NAALADL2: variants seen among roughly 807,000 people sequenced by gnomAD.
NAALADL2 encodes the protein N-acetylated alpha-linked acidic dipeptidase like 2.
Under a neutral mutation model 87.2 loss-of-function variants are expected in NAALADL2, and 76 were observed. That is an observed-to-expected ratio of 0.87 (90% CI 0.72 to 1.05). The LOEUF (loss-of-function observed/expected upper bound fraction) is 1.05. Among genes scored for constraint, NAALADL2 ranks in the 50% least tolerant of loss-of-function variants. The probability of loss-of-function intolerance (pLI) is 0.00; values close to 1 mark genes in which losing one functional copy is unlikely to be tolerated. For synonymous variants in NAALADL2, 354 were observed against 331.0 expected (o/e 1.07, Z -0.75); for missense variants, 1,089 against 945.8 (o/e 1.15, Z -1.99).
At chr3:175,708,744 A>G (rs1740093758) in intron 11 of NAALADL2, among the ~76,000 whole-genome samples, 1 of 151,968 alleles carries the variant, frequency 6.6e-6, no homozygotes, top group Non-Finnish European at 1.5e-5. Context: ...AGAAACAAAA[A>G]TAAAAAGAGA....
chr3:175,548,678 A>G (rs1344539022), intron 9 of NAALADL2, among the ~76,000 whole-genome samples: 1 of 152,054 alleles, frequency 6.6e-6, no homozygotes, highest in South Asian at 2.1e-4. Flanking sequence ...CTTTATCCCT[A>G]TGAAAGACAG....
At chr3:175,756,839 C>T (rs1747325028) in intron 13 of NAALADL2, among the ~76,000 whole-genome samples, 1 of 151,908 alleles carries the variant, frequency 6.6e-6, no homozygotes, top group Non-Finnish European at 1.5e-5. Flanking sequence ...CATATTTAAA[C>T]AGTTTTTATT....
chr3:175,633,225 G>A (rs977506903), intron 11 of NAALADL2, among the ~76,000 whole-genome samples: 2 of 152,034 alleles, frequency 1.3e-5, no homozygotes, highest in African/African-American at 4.8e-5. Flanking sequence ...CTTCATTTAT[G>A]CCCAATCCTC....
At chr3:174,829,446 CA>C (rs1483928677) in intron 3 of NAALADL2, among the ~76,000 whole-genome samples, 2 of 143,944 alleles carry the variant, frequency 1.4e-5, no homozygotes, top group Non-Finnish European at 3.0e-5. Flanking sequence ...GACATGAACT[CA>C]TCATTTTTTA....
chr3:175,275,405 T>A (rs889922477), intron 4 of NAALADL2, among the ~76,000 whole-genome samples: 6 of 152,186 alleles, frequency 3.9e-5, no homozygotes, highest in Non-Finnish European at 7.3e-5. Context: ...TTCTTACATA[T>A]TTTCAGAAAA....
At chr3:174,936,863 C>T (rs757679850) in intron 1 of NAALADL2, among the ~76,000 whole-genome samples, 13 of 152,004 alleles carry the variant, frequency 8.6e-5, no homozygotes, top group Non-Finnish European at 1.8e-4. Context: ...TGCAGAGGGA[C>T]ATAAGGAAAC....
intron 1 of NAALADL2, among the ~76,000 whole-genome samples, chr3:175,008,798 T>C (rs1749397186): frequency 6.6e-6 from 1 of 151,694 alleles, no homozygotes; most frequent in African/African-American, 2.4e-5. Context: ...TGCAGTTCCA[T>C]GTTTGGTCCA....
At chr3:174,643,316 A>G (rs922419365) in intron 2 of NAALADL2, among the ~76,000 whole-genome samples, 2 of 152,166 alleles carry the variant, frequency 1.3e-5, no homozygotes, top group Non-Finnish European at 2.9e-5. Flanking sequence ...TGGTTTGAAT[A>G]ATAGAGAACA....
intron 9 of NAALADL2, among the ~76,000 whole-genome samples, chr3:175,514,487 A>G (rs972642578): frequency 2.6e-5 from 4 of 152,316 alleles, no homozygotes; most frequent in African/African-American, 9.6e-5. Context: ...TTATTTCTGC[A>G]TTAATCACTA....
At chr3:174,800,589 C>A (rs546261624) in intron 3 of NAALADL2, among the ~76,000 whole-genome samples, 1 of 151,036 alleles carries the variant, frequency 6.6e-6, no homozygotes, top group Non-Finnish European at 1.5e-5. Flanking sequence ...TGGAGCCCCT[C>A]CCCCCCAACA....
chr3:175,637,920 A>C (rs895714446), intron 11 of NAALADL2, among the ~76,000 whole-genome samples: 3 of 152,166 alleles, frequency 2.0e-5, no homozygotes, highest in African/African-American at 7.2e-5. Flanking sequence ...GCACCTATAG[A>C]GATATTACAT....
At chr3:174,885,148 T>A (rs1278437750) in intron 1 of NAALADL2, among the ~76,000 whole-genome samples, 1 of 152,124 alleles carries the variant, frequency 6.6e-6, no homozygotes, top group African/African-American at 2.4e-5. Flanking sequence ...ATATCCCAAT[T>A]GCAAGTTGTA....
At chr3:175,191,034 G>A (rs1738116561) in intron 2 of NAALADL2, among the ~76,000 whole-genome samples, 1 of 151,212 alleles carries the variant, frequency 6.6e-6, no homozygotes, top group African/African-American at 2.4e-5. Flanking sequence ...GAATGAACGA[G>A]TCTAGAAATT....
At chr3:175,461,194 A>AT (rs1297741023) in intron 6 of NAALADL2, among the ~76,000 whole-genome samples, 3 of 151,730 alleles carry the variant, frequency 2.0e-5, no homozygotes, top group African/African-American at 7.3e-5. Flanking sequence ...TGATTGGTGC[A>AT]TTTTTACAGA....
At chr3:175,570,175 C>T (rs536406545) in intron 9 of NAALADL2, among the ~76,000 whole-genome samples, 3 of 152,270 alleles carry the variant, frequency 2.0e-5, no homozygotes, top group South Asian at 4.1e-4. Context: ...GACCAATGTT[C>T]TAGTTCAAGG....
At chr3:174,560,574 C>G (rs559771761) in intron 2 of NAALADL2, among the ~76,000 whole-genome samples, 2 of 152,212 alleles carry the variant, frequency 1.3e-5, no homozygotes, top group African/African-American at 4.8e-5. Flanking sequence ...ACTTGCAAAC[C>G]TTTTTGAGAG....
At chr3:175,079,302 G>A (rs1381677249) in intron 1 of NAALADL2, 8 of 152,158 alleles carry the variant, frequency 5.3e-5, no homozygotes, top group African/African-American at 1.9e-4. Context: ...AGTTGCAAGA[G>A]TTCTTTAGAT....
intron 2 of NAALADL2, among the ~76,000 whole-genome samples, chr3:174,657,836 CATT>C (rs1725126294): frequency 6.6e-6 from 1 of 152,154 alleles, no homozygotes; most frequent in South Asian, 2.1e-4. Flanking sequence ...TTACAGACTT[CATT>C]ATTTTGCCTT....
At chr3:175,466,755 G>A (rs1724092834) in intron 7 of NAALADL2, among the ~76,000 whole-genome samples, 1 of 152,122 alleles carries the variant, frequency 6.6e-6, no homozygotes, top group Admixed American at 6.5e-5. Flanking sequence ...GAGTAATATG[G>A]ATCTAAGCTT....
Sources: allele counts gnomAD v4.1 joint callset (sites outside exome capture counted in the v4.1 genomes callset), GRCh38; gene constraint gnomAD v4.1.1; transcripts MANE v1.5; gene names NCBI Gene and HGNC (gene_info 2026-07-23, HGNC 2026-07-21).